The following DLG2 variants were observed in gnomAD, a reference collection of about 807,000 sequenced individuals.
DLG2 encodes the protein disks large homolog 2.
A neutral mutation model predicts 132.5 loss-of-function variants in DLG2; 45 were observed. The ratio of observed to expected loss-of-function variants is 0.34; its 90% confidence interval spans 0.27 to 0.44. The LOEUF (loss-of-function observed/expected upper bound fraction) is 0.44. Among genes scored for constraint, DLG2 ranks in the 20% least tolerant of loss-of-function variants. The pLI, the probability that DLG2 is intolerant of heterozygous loss-of-function variation, is 1.00. For missense variants in DLG2, 1,045 were observed against 1,196.9 expected (o/e 0.87, Z 1.87); for synonymous variants, 424 against 419.6 (o/e 1.01, Z -0.13).
chr11:84,678,376 G>C (rs747265970), intron 6 of DLG2, among the ~76,000 whole-genome samples: 1 of 152,064 alleles, frequency 6.6e-6, no homozygotes, highest in African/African-American at 2.4e-5. Flanking sequence ...CACAGGGTTA[G>C]CACACCAGGG....
chr11:84,349,492 A>T (rs2098553195), intron 7 of DLG2, among the ~76,000 whole-genome samples: 1 of 152,158 alleles, frequency 6.6e-6, no homozygotes, highest in African/African-American at 2.4e-5. Context: ...ATCACTGCTT[A>T]AAAGCCGTCA....
At chr11:85,055,367 T>C (rs964716894) in intron 6 of DLG2, among the ~76,000 whole-genome samples, 1 of 152,132 alleles carries the variant, frequency 6.6e-6, no homozygotes, top group African/African-American at 2.4e-5. Flanking sequence ...TTTGAAGTCA[T>C]AAACAAGTCA....
At chr11:85,385,098 A>G (rs577318136) in intron 3 of DLG2, among the ~76,000 whole-genome samples, 1 of 152,318 alleles carries the variant, frequency 6.6e-6, no homozygotes, top group East Asian at 1.9e-4. Flanking sequence ...AGACCAGCAA[A>G]TATGTTACAC....
chr11:85,248,946 C>G (rs2076266595), intron 4 of DLG2, among the ~76,000 whole-genome samples: 1 of 151,926 alleles, frequency 6.6e-6, no homozygotes, highest in African/African-American at 2.4e-5. Flanking sequence ...TTGCCAATGA[C>G]AGTAGAGGAT....
intron 22 of DLG2, chr11:83,480,529 C>T (rs957869703): frequency 7.3e-6 from 11 of 1,510,298 alleles, no homozygotes; most frequent in East Asian, 2.5e-5. Flanking sequence ...AAGTAAAAGC[C>T]GCAGAGGAGG....
chr11:84,927,706 T>C (rs145252478), intron 6 of DLG2, among the ~76,000 whole-genome samples: 390 of 152,100 alleles, frequency 2.6e-3, no homozygotes, highest in Admixed American at 7.8e-3. Flanking sequence ...TTTCATATAA[T>C]GTTCACATGT....
rs1565341346 is a variant in DLG2 at position 83,468,066 on chromosome 11, C to A, written c.2619+1135G>T. 2.0e-5 allele frequency among the ~76,000 whole-genome samples: 3 copies of A among 151,856 alleles called. No individual in the cohort carries two copies. In the South Asian group the frequency reaches 6.2e-4, roughly 32 times the overall value. ...ACATTTGCCACATCATATTCTACCT[C>A]CTGGAGAGAAATGTCCTCATTACCC... On this transcript the variant is annotated intron_variant, in intron 25 of 27. Transcript: ENST00000376104.
At chr11:84,319,705 AC>A (rs1209682524) in intron 7 of DLG2, among the ~76,000 whole-genome samples, 1 of 152,218 alleles carries the variant, frequency 6.6e-6, no homozygotes, top group East Asian at 1.9e-4. Flanking sequence ...TCTTCCCATC[AC>A]AAGGGCCACA....
intron 2 of DLG2, among the ~76,000 whole-genome samples, chr11:85,604,446 T>TA (rs1216166269): frequency 1.3e-5 from 2 of 152,162 alleles, no homozygotes; most frequent in Non-Finnish European, 2.9e-5. Context: ...TCATACAAAT[T>TA]AAAAATCCCT....
intron 6 of DLG2, among the ~76,000 whole-genome samples, chr11:84,844,131 G>GTATATATATA (rs1566125410): frequency 3.8e-5 from 1 of 26,366 alleles, no homozygotes; most frequent in Admixed American, 3.7e-4. Context: ...GTGTGTGTGT[G>GTATATATATA]TGTGTATATA....
intron 11 of DLG2, among the ~76,000 whole-genome samples, chr11:84,008,731 C>A (rs2094709551): frequency 6.6e-6 from 1 of 151,606 alleles, no homozygotes; most frequent in Admixed American, 6.6e-5. Context: ...TGGGTAGAGG[C>A]AAAACAAGAT....
intron 18 of DLG2, among the ~76,000 whole-genome samples, chr11:83,712,247 G>A (rs766555338): frequency 3.9e-5 from 6 of 152,084 alleles, no homozygotes; most frequent in East Asian, 1.9e-4. Flanking sequence ...TAGTAAAGAC[G>A]TGGAATCAAC....
In DLG2 at chr11:84,181,368, A is replaced by G. The variant is rs1192655360; in HGVS notation, c.574-17857T>C. On this transcript the variant is annotated intron_variant, in intron 8 of 27. Transcript: ENST00000376104. ...GAAGAAGTATAATTGATATATTAAT[A>G]AAGAAAATAAATAATATAAAATGCC... Among the ~76,000 whole-genome samples, 4 of 151,978 alleles carry G rather than the reference A, an allele frequency of 2.6e-5. No homozygotes were observed. The East Asian group carries it at 7.7e-4, about 29-fold the overall frequency.
chr11:83,642,689 C>T (rs2066922410), intron 18 of DLG2, among the ~76,000 whole-genome samples: 1 of 152,108 alleles, frequency 6.6e-6, no homozygotes, highest in South Asian at 2.1e-4. Flanking sequence ...ACAGAAACTT[C>T]CTGAAGTTGG....
chr11:84,019,998 C>A (rs1433385720), intron 11 of DLG2, among the ~76,000 whole-genome samples: 2 of 152,052 alleles, frequency 1.3e-5, no homozygotes, highest in African/African-American at 4.8e-5. Flanking sequence ...AAGAAGATGG[C>A]AGATTCTGGA....
rs536335143 is a variant in DLG2, at chr11:85,141,130, T to A, written c.282+13426A>T. On this transcript the variant is annotated intron_variant, in intron 5 of 27. Transcript: ENST00000376104. ...TATGGTAATTTCTATTTTTAATTTT[T>A]GAGGAATCTCCATACTCCTCTCCAT... Among the ~76,000 whole-genome samples the A allele has an allele frequency of 2.6e-5, 4 of 152,046 alleles. No homozygotes were observed. In the East Asian group the frequency reaches 7.7e-4, roughly 29 times the overall value.
At chr11:84,129,568 C>T (rs1173728683) in intron 9 of DLG2, among the ~76,000 whole-genome samples, 1 of 151,984 alleles carries the variant, frequency 6.6e-6, no homozygotes, top group Non-Finnish European at 1.5e-5. Flanking sequence ...CTCAAAACAG[C>T]CACGTCAGGC....
intron 3 of DLG2, among the ~76,000 whole-genome samples, chr11:85,548,631 G>A (rs1309623716): frequency 6.6e-6 from 1 of 152,324 alleles, no homozygotes; most frequent in South Asian, 2.1e-4. Context: ...GGAGGTGGGG[G>A]TTTTATCTAT....
intron 3 of DLG2, among the ~76,000 whole-genome samples, chr11:85,306,350 C>T (rs532296209): frequency 6.6e-6 from 1 of 152,254 alleles, no homozygotes; most frequent in African/African-American, 2.4e-5. Context: ...ACAGAGCTTA[C>T]ATTCTATAAA....
Sources: gnomAD v4.1 joint callset for allele counts (sites outside exome capture counted in the v4.1 genomes callset) on GRCh38, gnomAD v4.1.1 for gene constraint, MANE v1.5 for transcripts, NCBI Gene and HGNC (gene_info 2026-07-23, HGNC 2026-07-21) for gene names.